EPB41L1: variants seen among roughly 807,000 people sequenced by gnomAD.
The protein encoded by EPB41L1 is erythrocyte membrane protein band 4.1 like 1, also known as band 4.1-like protein 1.
In EPB41L1, 29 loss-of-function variants were observed where a neutral mutation model predicts 97.8. The observed-to-expected ratio is 0.30, with a 90% CI of 0.22 to 0.40. The LOEUF (loss-of-function observed/expected upper bound fraction) is 0.40. EPB41L1 is among the 10% of genes least tolerant of loss of function. The pLI, the probability that EPB41L1 is intolerant of heterozygous loss-of-function variation, is 1.00. For synonymous variants in EPB41L1, 383 were observed against 459.2 expected, an observed-to-expected ratio of 0.83 and a Z score of 2.12; for missense variants, 812 against 1,162.3, an observed-to-expected ratio of 0.70 and a Z score of 4.38.
chr20:36,208,240 C>G (rs913071845), intron 14 of EPB41L1: 3 of 365,818 alleles, frequency 8.2e-6, no homozygotes, highest in African/African-American at 2.1e-5. Context: ...CTGGTTCCCT[C>G]TCAGTCCCAG....
At chr20:36,100,789 A>C (rs1430982238) in intron 1 of EPB41L1, among the ~76,000 whole-genome samples, 2 of 152,156 alleles carry the variant, frequency 1.3e-5, no homozygotes, top group Non-Finnish European at 2.9e-5. Flanking sequence ...TTCAGAGAAC[A>C]AATTCTTGAC....
At chr20:36,137,061 C>T (rs185756570) in intron 2 of EPB41L1, among the ~76,000 whole-genome samples, 2 of 149,414 alleles carry the variant, frequency 1.3e-5, no homozygotes, top group East Asian at 2.0e-4. Context: ...TCTTTTTTTC[C>T]TTTTCTTTCC....
rs1459756212 is a variant in EPB41L1 at position 36,190,777 on chromosome 20, T to C, written c.1280T>C (p.Met427Thr). Reference protein sequence around the residue: ...FERSSSKRYTMSRSLDGAEFS... With the variant: ...FERSSSKRYTTSRSLDGAEFS... ...CGTTCTTCCAGCAAACGGTACACCA[T>C]GTCCCGCAGCCTTGATGGAGGTATG... Residue 427 changes from methionine to threonine, a missense_variant, in exon 11 of 22, where the codon ATG becomes ACG. Physicochemically the swap from Met to Thr is moderately conservative, Grantham distance 81 (BLOSUM62 -1). Around this residue, in one of 3 missense-constraint regions of EPB41L1, gnomAD observed 498 missense variants for 622.7 expected, o/e 0.80. Coordinates refer to ENST00000338074, the MANE Select transcript of EPB41L1 (RefSeq NM_012156.2). This position sits in a 1 kb window ranked among gnomAD's most constrained non-coding sequence, Gnocchi z 5.8. 4 of 1,614,044 alleles carry C rather than the reference T, an allele frequency of 2.5e-6. No homozygotes were observed. Among genetic ancestry groups the C allele is most frequent in the African/African-American group, 1.3e-5 (1 of 75,040 alleles).
At chr20:36,219,524 T>C (rs2063648416) in intron 18 of EPB41L1, among the ~76,000 whole-genome samples, 1 of 152,220 alleles carries the variant, frequency 6.6e-6, no homozygotes, top group Non-Finnish European at 1.5e-5. Context: ...TCTAGGGTAT[T>C]GTTAGGATTC....
rs183556538 is a variant in EPB41L1, at chr20:36,165,784, C to T, written c.-14-7980C>T. Among the ~76,000 whole-genome samples the T allele has an allele frequency of 4.1e-3, 628 of 152,334 alleles. 3 individuals are homozygous for T. Among genetic ancestry groups the T allele is most frequent in the South Asian group, 6.8e-3 (33 of 4,822 alleles). ...CACTGAAGCAGCAGTGGTCCCAGTT[C>T]TGAGTTCAGCTCTTCCCAGTATATT... On this transcript the variant is annotated intron_variant, in intron 1 of 21. Transcript: ENST00000338074.
intron 1 of EPB41L1, among the ~76,000 whole-genome samples, chr20:36,103,984 G>A (rs926559399): frequency 2.6e-5 from 4 of 152,174 alleles, no homozygotes; most frequent in South Asian, 4.1e-4. Context: ...GATTACAGGC[G>A]TGAGCCACCG....
At chr20:36,124,244 G>C (rs1205677181) in intron 2 of EPB41L1, among the ~76,000 whole-genome samples, 1 of 152,114 alleles carries the variant, frequency 6.6e-6, no homozygotes, top group African/African-American at 2.4e-5. Context: ...GACAGAGTGA[G>C]ACTCCGTCTC....
At chr20:36,173,099 T>G (rs2061064919) in intron 1 of EPB41L1, among the ~76,000 whole-genome samples, 1 of 152,234 alleles carries the variant, frequency 6.6e-6, no homozygotes, top group South Asian at 2.1e-4. Context: ...ATGTTTTGGA[T>G]GAGTCTGAGA....
intron 2 of EPB41L1, among the ~76,000 whole-genome samples, chr20:36,115,831 G>T (rs1448661907): frequency 6.6e-6 from 1 of 152,174 alleles, no homozygotes; most frequent in Admixed American, 6.5e-5. Flanking sequence ...GGTGGAGGTT[G>T]CAGTGAGTCG....
Position 36,195,220 on chromosome 20 carries a change from G to C in EPB41L1, c.1450-109G>C. 1 of 1,364,200 alleles carries C rather than the reference G, an allele frequency of 7.3e-7. No individual in the cohort carries two copies. Among genetic ancestry groups the C allele is most frequent in the South Asian group, 1.2e-5 (1 of 83,856 alleles). 84.5% of individuals were successfully genotyped at this position (1,364,200 alleles called of 1,614,324 possible). Reference sequence around the variant, plus strand: ...CAGCTGCCCTGGCCTCCACTTGGTCGAGTGTGCGTGCTCTGGGCTCCTTGC... The same window carrying C: ...CAGCTGCCCTGGCCTCCACTTGGTCCAGTGTGCGTGCTCTGGGCTCCTTGC... On this transcript the variant is annotated intron_variant, in intron 12 of 21. Transcript: ENST00000338074. This position sits in a 1 kb window ranked among gnomAD's most constrained non-coding sequence, Gnocchi z 4.6.
chr20:36,177,866 G>T, intron 3 of EPB41L1, 86 bp from the exon 4 acceptor site: 1 of 1,126,280 alleles, frequency 8.9e-7, no homozygotes, highest in Non-Finnish European at 1.3e-6. Flanking sequence ...TGGGGTTTTT[G>T]AATTGTCCTG....
chr20:36,166,112 C>T (rs779399666), intron 1 of EPB41L1, among the ~76,000 whole-genome samples: 18 of 152,262 alleles, frequency 1.2e-4, no homozygotes, highest in Admixed American at 2.6e-4. Context: ...AAGGTGAATG[C>T]AGCCCAGGTC....
intron 2 of EPB41L1, among the ~76,000 whole-genome samples, chr20:36,126,396 C>G (rs2058968903): frequency 7.3e-6 from 1 of 136,778 alleles, no homozygotes. Context: ...GACAGAGTTT[C>G]ACTCTTGTTG....
At position 36,223,992 on chromosome 20, in the gene EPB41L1, G is replaced by A. The variant is rs540198899; in HGVS notation, c.2637+1598G>A. ...AAACCAGTCTTTTCTAGAAAGATAC[G>A]AGAATGTTTCTCTTCCTTTGATTAC... On this transcript the variant is annotated intron_variant, in intron 21 of 21. Coordinates refer to ENST00000338074, the MANE Select transcript of EPB41L1 (RefSeq NM_012156.2). Among the ~76,000 whole-genome samples, 17 of 152,238 alleles carry A rather than the reference G, an allele frequency of 1.1e-4. No individual in the cohort carries two copies. The South Asian group carries it at 3.3e-3, about 30-fold the overall frequency.
In EPB41L1 at chr20:36,218,887, C is replaced by G. The variant is rs1452345512; in HGVS notation, c.2280C>G (p.Leu760=). 4 of 1,614,136 alleles carry G rather than the reference C, an allele frequency of 2.5e-6. No individual in the cohort carries two copies. The highest frequency in any genetic ancestry group is 3.4e-6 in the Non-Finnish European group (4 of 1,180,018). Residue 760 remains leucine, a synonymous_variant, in exon 18 of 22, where the codon CTC becomes CTG. Coordinates refer to ENST00000338074, the MANE Select transcript of EPB41L1 (RefSeq NM_012156.2). The part of the protein sequence containing the change: ...ETISTTMENS[L]KSGKGAAAMI... The stretch of plus-strand genomic sequence containing the variant: ...TATTGTTTCCCCAGGAGAACAGTCT[C>G]AAGTCCGGGAAGGGGGCAGCTGCCA...
intron 1 of EPB41L1, among the ~76,000 whole-genome samples, chr20:36,106,849 G>A (rs1336652953): frequency 2.6e-5 from 4 of 152,316 alleles, no homozygotes; most frequent in East Asian, 3.9e-4. Context: ...GAACTCTGTC[G>A]CCCAGGCTGG....
intron 16 of EPB41L1, among the ~76,000 whole-genome samples, chr20:36,213,236 A>G (rs2063235996): frequency 6.6e-6 from 1 of 152,172 alleles, no homozygotes; most frequent in South Asian, 2.1e-4. Flanking sequence ...CAGCTCTACA[A>G]AAAATACAAA....
Position 36,185,239 on chromosome 20 carries a change from A to G in EPB41L1, c.689A>G (p.Glu230Gly). Residue 230 changes from glutamate (E) to glycine (G), a missense_variant, in exon 7 of 22, where the codon GAG becomes GGG. Glu to Gly is a moderately conservative substitution (Grantham distance 98, BLOSUM62 -2). This residue lies in a region of EPB41L1 where 230 missense variants were observed against 445.2 expected (regional missense o/e 0.52). Coordinates refer to ENST00000338074, the MANE Select transcript of EPB41L1 (RefSeq NM_012156.2). ...VQAELGDYDA[E>G]EHVGNYVSEL... ...GCTGAGCTGGGTGACTATGATGCTG[A>G]GGAGCATGTGGGCAACTATGTCAGC... The G allele has an allele frequency of 1.2e-6, 2 of 1,613,972 alleles. No individual in the cohort carries two copies. The highest frequency in any genetic ancestry group is 1.7e-6 in the Non-Finnish European group (2 of 1,180,044).
In EPB41L1 at chr20:36,190,481, T is replaced by TC; in HGVS notation, c.1124+111dup. 4 of 1,522,490 alleles carry TC rather than the reference T, an allele frequency of 2.6e-6. No homozygotes were observed. The highest frequency in any genetic ancestry group is 3.6e-6 in the Non-Finnish European group (4 of 1,110,200). The allele number at this position is 1,522,490 out of a possible 1,614,324, so 94.3% of individuals were successfully genotyped here. Reference sequence around the variant, plus strand: ...AACTCTAGGAAAGTCCTCCACCCTTTCCCCAAGTCCCTCCCTTCCTGGACC... The same window carrying TC: ...AACTCTAGGAAAGTCCTCCACCCTTTCCCCCAAGTCCCTCCCTTCCTGGACC... On this transcript the variant is annotated intron_variant, in intron 10 of 21. Transcript: ENST00000338074. This position sits in a 1 kb window ranked among gnomAD's most constrained non-coding sequence, Gnocchi z 5.8.
Sources: allele counts gnomAD v4.1 joint callset (sites outside exome capture counted in the v4.1 genomes callset), GRCh38; gene constraint gnomAD v4.1.1; regional missense constraint gnomAD v4.1.1; non-coding constraint Gnocchi (gnomAD v3.1); transcripts MANE v1.5; gene names NCBI Gene and HGNC (gene_info 2026-07-23, HGNC 2026-07-21).